OSBPL3: variants seen among roughly 807,000 people sequenced by gnomAD.
OSBPL3 encodes the protein oxysterol-binding protein-related protein 3.
In OSBPL3, 65 loss-of-function variants were observed where a neutral mutation model predicts 120.1. The observed-to-expected ratio is 0.54, with a 90% CI of 0.44 to 0.67. The LOEUF is 0.67. OSBPL3 is among the 30% of genes least tolerant of loss of function. The pLI is 0.00. For missense variants in OSBPL3, 1,004 were observed against 1,082.1 expected (o/e 0.93, Z 1.01); for synonymous variants, 416 against 402.6 (o/e 1.03, Z -0.40).
rs573510986 is a variant in OSBPL3, at chr7:24,968,110, T to C, written c.-150+11776A>G. On this transcript the variant is annotated intron_variant, in intron 1 of 22. Transcript: ENST00000313367. This position sits in a 1 kb window ranked among gnomAD's most constrained non-coding sequence, Gnocchi z 4.6. The stretch of plus-strand genomic sequence containing the variant: ...AACTTCACACCTATCCTGCCTTCCG[T>C]TACCCCTTCCTAGGACAGTCTGATG... 6.6e-6 allele frequency among the ~76,000 whole-genome samples: 1 copy of C among 152,338 alleles called. No individual in the cohort carries two copies. Among genetic ancestry groups the C allele is most frequent in the Admixed American group, 6.5e-5 (1 of 15,306 alleles).
Position 24,867,201 on chromosome 7 carries a change from C to T in OSBPL3, c.382-964G>A, listed in dbSNP as rs1447795380. On this transcript the variant is annotated intron_variant, in intron 5 of 22. Transcript: ENST00000313367. This position sits in a 1 kb window ranked among gnomAD's most constrained non-coding sequence, Gnocchi z 4.5. ...GTCTCTTAAAGCATTTCCAAGTTCT[C>T]TAATTCCAGCTTCTCTATCCCTACT... Among the ~76,000 whole-genome samples, 1 of 152,234 alleles carries T rather than the reference C, an allele frequency of 6.6e-6. No homozygotes were observed. The highest frequency in any genetic ancestry group is 1.5e-5 in the Non-Finnish European group (1 of 68,046).
rs1802330839 is a variant in OSBPL3 at position 24,872,633 on chromosome 7, G to T, written c.97-564C>A. The stretch of plus-strand genomic sequence containing the variant: ...AGGTATTTAAATGTACTGGAAATCT[G>T]GAAGCATCAAAAGTATATTTTTGCA... On this transcript the variant is annotated intron_variant, in intron 2 of 22. Transcript: ENST00000313367. The surrounding 1 kb of genome is among the most constrained non-coding windows in gnomAD (Gnocchi z 4.1). 6.6e-6 allele frequency among the ~76,000 whole-genome samples: 1 copy of T among 152,080 alleles called. No homozygotes were observed. Among genetic ancestry groups the T allele is most frequent in the South Asian group, 2.1e-4 (1 of 4,826 alleles).
intron 1 of OSBPL3, among the ~76,000 whole-genome samples, chr7:24,956,010 A>G (rs1340462174): frequency 1.3e-5 from 2 of 152,208 alleles, no homozygotes; most frequent in Non-Finnish European, 2.9e-5. Flanking sequence ...TAAGAGTATA[A>G]TTTCCACTTT....
chr7:24,807,739 T>G (rs1461772641), intron 20 of OSBPL3, among the ~76,000 whole-genome samples: 1 of 152,098 alleles, frequency 6.6e-6, no homozygotes, highest in African/African-American at 2.4e-5. Flanking sequence ...CTTACATCTT[T>G]AAAACATTAG....
chr7:24,824,321 T>C lies in OSBPL3; in HGVS notation c.1885-4083A>G, dbSNP rs2128150121. Among the ~76,000 whole-genome samples, 1 of 152,378 alleles carries C rather than the reference T, an allele frequency of 6.6e-6. No individual in the cohort carries two copies. The highest frequency in any genetic ancestry group is 1.5e-5 in the Non-Finnish European group (1 of 68,046). ...CCTTGACCTAATCATTTTTAATTTA[T>C]GCTTTGAATGCACTTTATATAAGAG... is the stretch of plus-strand genomic sequence containing the variant. On this transcript the variant is annotated intron_variant, in intron 16 of 22. Transcript: ENST00000313367. The surrounding 1 kb of genome is among the most constrained non-coding windows in gnomAD (Gnocchi z 4.9).
At chr7:24,905,797 G>A (rs1331594574) in intron 1 of OSBPL3, among the ~76,000 whole-genome samples, 2 of 152,202 alleles carry the variant, frequency 1.3e-5, no homozygotes, top group African/African-American at 2.4e-5. Flanking sequence ...TCGGGAGGCC[G>A]AGGTGGGTGG....
At position 24,831,605 on chromosome 7, in the gene OSBPL3, C is replaced by A. The variant is rs889004894; in HGVS notation, c.1747-700G>T. The stretch of plus-strand genomic sequence containing the variant: ...GAGGTCTTGGCGTCTTTAGCAATTC[C>A]CCGTCAGGGCATCAGGGAGGCACAT... On this transcript the variant is annotated intron_variant, in intron 15 of 22. Coordinates refer to ENST00000313367, the MANE Select transcript of OSBPL3 (RefSeq NM_015550.4). The surrounding 1 kb of genome is among the most constrained non-coding windows in gnomAD (Gnocchi z 4.0). Among the ~76,000 whole-genome samples, 3 of 152,198 alleles carry A rather than the reference C, an allele frequency of 2.0e-5. No individual in the cohort carries two copies. The highest frequency in any genetic ancestry group is 4.4e-5 in the Non-Finnish European group (3 of 68,032).
rs34559902 is a variant in OSBPL3 at position 24,845,384 on chromosome 7, T to TAAAAAA, written c.1267-2977_1267-2972dup. On this transcript the variant is annotated intron_variant, in intron 12 of 22. Transcript: ENST00000313367. ...GAATTTACAAATATTGCAAAATAAG[T>TAAAAAA]AAAAAAAAAAAAAAAAAAAAAAAAA... Among the ~76,000 whole-genome samples the TAAAAAA allele has an allele frequency of 2.3e-3, 141 of 62,262 alleles. 2 individuals carry two copies. The highest frequency in any genetic ancestry group is 2.8e-3 in the African/African-American group (42 of 15,216). The allele number at this position is 62,262 out of a possible 152,430, so 40.8% of individuals were successfully genotyped here.
intron 1 of OSBPL3, among the ~76,000 whole-genome samples, chr7:24,928,194 G>GT (rs58340103): frequency 0.56 from 76,080 of 135,444 alleles, 21,569 homozygotes; most frequent in Non-Finnish European, 0.59. Flanking sequence ...CTTCCTTTTT[G>GT]TTTTTTTTTT....
chr7:24,866,287 A>C, intron 5 of OSBPL3, 50 bp from the exon 6 acceptor site: 1 of 1,336,068 alleles, frequency 7.5e-7, no homozygotes, highest in Non-Finnish European at 1.1e-6. Context: ...ATTCACTGGA[A>C]GGAACAATTA....
chr7:24,972,685 A>G lies in OSBPL3; in HGVS notation c.-150+7201T>C, dbSNP rs527907810. Among the ~76,000 whole-genome samples the G allele has an allele frequency of 1.6e-4, 24 of 152,192 alleles. No homozygotes were observed. The highest frequency in any genetic ancestry group is 3.1e-4 in the Non-Finnish European group (21 of 68,022). ...TAGGGAGGCATCTACTTCAAATTTA[A>G]TAAGAGTTGCTGAGATTAAAAAATA... On this transcript the variant is annotated intron_variant, in intron 1 of 22. Coordinates refer to ENST00000313367, the MANE Select transcript of OSBPL3 (RefSeq NM_015550.4). The surrounding 1 kb of genome is among the most constrained non-coding windows in gnomAD (Gnocchi z 4.3).
intron 1 of OSBPL3, among the ~76,000 whole-genome samples, chr7:24,902,670 G>A (rs935566611): frequency 2.7e-5 from 4 of 149,834 alleles, no homozygotes; most frequent in African/African-American, 7.4e-5. Context: ...TCTTTTAAAT[G>A]TCTCTTCTAT....
chr7:24,881,357 A>G lies in OSBPL3; in HGVS notation c.97-9288T>C, dbSNP rs919145231. ...TACAAATCAAAGAAGGAATGACTTT[A>G]GTGCCAAGTATGTTATAGTCCAGTT... On this transcript the variant is annotated intron_variant, in intron 2 of 22. Coordinates refer to ENST00000313367, the MANE Select transcript of OSBPL3 (RefSeq NM_015550.4). This position sits in a 1 kb window ranked among gnomAD's most constrained non-coding sequence, Gnocchi z 4.3. Among the ~76,000 whole-genome samples, 2 of 152,232 alleles carry G rather than the reference A, an allele frequency of 1.3e-5. No homozygotes were observed. Among genetic ancestry groups the G allele is most frequent in the African/African-American group, 4.8e-5 (2 of 41,458 alleles).
At chr7:24,950,641 G>C (rs1055351908) in intron 1 of OSBPL3, among the ~76,000 whole-genome samples, 1 of 152,226 alleles carries the variant, frequency 6.6e-6, no homozygotes, top group African/African-American at 2.4e-5. Flanking sequence ...AGAATGGCAC[G>C]AACCCAAGAG....
rs911990838 is a variant in OSBPL3 at position 24,967,493 on chromosome 7, C to G, written c.-150+12393G>C. ...CTGGTTTATTCTTTGACATTACCCT[C>G]CCCAACTCAACGGTTATCATGGAAA... is the stretch of plus-strand genomic sequence containing the variant. On this transcript the variant is annotated intron_variant, in intron 1 of 22. Transcript: ENST00000313367. The surrounding 1 kb of genome is among the most constrained non-coding windows in gnomAD (Gnocchi z 5.6). Among the ~76,000 whole-genome samples, 7 of 152,096 alleles carry G rather than the reference C, an allele frequency of 4.6e-5. No homozygotes were observed. The highest frequency in any genetic ancestry group is 1.7e-4 in the African/African-American group (7 of 41,424).
chr7:24,884,522 G>A (rs936832482), intron 2 of OSBPL3, among the ~76,000 whole-genome samples: 2 of 152,146 alleles, frequency 1.3e-5, no homozygotes, highest in African/African-American at 4.8e-5. Context: ...CTAGACACAA[G>A]CCAAGCTGCC....
In OSBPL3 at chr7:24,831,352, A is replaced by G. The variant is rs747045226; in HGVS notation, c.1747-447T>C. ...AGGAATCAGCATCATAAATTTAACCATTCAAAATGTGGTATTATAGAAACC... is the reference window on the plus strand; with the variant it reads ...AGGAATCAGCATCATAAATTTAACCGTTCAAAATGTGGTATTATAGAAACC... On this transcript the variant is annotated intron_variant, in intron 15 of 22. Coordinates refer to ENST00000313367, the MANE Select transcript of OSBPL3 (RefSeq NM_015550.4). The surrounding 1 kb of genome is among the most constrained non-coding windows in gnomAD (Gnocchi z 4.0). 6.6e-6 allele frequency among the ~76,000 whole-genome samples: 1 copy of G among 152,226 alleles called. No homozygotes were observed. The highest frequency in any genetic ancestry group is 6.5e-5 in the Admixed American group (1 of 15,278).
rs952588790 is a variant in OSBPL3, at chr7:24,871,155, G to A, written c.268-310C>T. Among the ~76,000 whole-genome samples, 32 of 152,226 alleles carry A rather than the reference G, an allele frequency of 2.1e-4. 1 individual carries two copies. Among genetic ancestry groups the A allele is most frequent in the African/African-American group, 7.0e-4 (29 of 41,452 alleles). ...GCACCGTGGGTTGACTCCCATGGCA[G>A]TGAATTCACCTGTCAACTGTACCAC... On this transcript the variant is annotated intron_variant, in intron 4 of 22. Coordinates refer to ENST00000313367, the MANE Select transcript of OSBPL3 (RefSeq NM_015550.4). The surrounding 1 kb of genome is among the most constrained non-coding windows in gnomAD (Gnocchi z 4.8).
In OSBPL3 at chr7:24,809,912, T is replaced by G. The variant is rs1255095627; in HGVS notation, c.2212A>C (p.Thr738Pro). Residue 738 changes from threonine to proline, a missense_variant, in exon 20 of 23, where the codon ACA (threonine) becomes CCA (proline). Physicochemically the swap from Thr to Pro is conservative, Grantham distance 38. Coordinates refer to ENST00000313367, the MANE Select transcript of OSBPL3 (RefSeq NM_015550.4). ...GCTTTTCCACTCCTGTCAAACACTG[T>G]GCCTTCAATCTCATGGGCATTAGTG... ...WSTNAHEIEG[T>P]VFDRSGKAVH... 11 of 1,614,092 alleles carry G rather than the reference T, an allele frequency of 6.8e-6. No individual in the cohort carries two copies. The Admixed American group carries it at 1.8e-4, about 27-fold the overall frequency.
Sources: allele counts gnomAD v4.1 joint callset (sites outside exome capture counted in the v4.1 genomes callset), GRCh38; gene constraint gnomAD v4.1.1; non-coding constraint Gnocchi (gnomAD v3.1); transcripts MANE v1.5; gene names NCBI Gene and HGNC (gene_info 2026-07-23, HGNC 2026-07-21).